The following ANKIB1 variants were observed in gnomAD, a reference collection of about 807,000 sequenced individuals.
The protein encoded by ANKIB1 is ankyrin repeat and IBR domain containing 1.
ANKIB1 carries 43 observed loss-of-function variants against 122.1 expected under a neutral mutation model. The observed-to-expected ratio is 0.35, with a 90% confidence interval of 0.28 to 0.45. The LOEUF is 0.45. Among genes scored for constraint, ANKIB1 ranks in the 20% least tolerant of loss-of-function variants. The probability of loss-of-function intolerance (pLI) is 1.00; values close to 1 mark genes in which losing one functional copy is unlikely to be tolerated. For synonymous variants in ANKIB1, 390 were observed against 442.0 expected, an observed-to-expected ratio of 0.88 and a Z score of 1.48; for missense variants, 992 against 1,329.5, an observed-to-expected ratio of 0.75 and a Z score of 3.95.
Position 92,271,156 on chromosome 7 carries a change from T to C in ANKIB1, c.-90-23733T>C, listed in dbSNP as rs181953992. ...GTATAAGTTGTCCTTGTATCTTAGG[T>C]GACGGCACTTTTTTTTTCCCCATGT... is the stretch of plus-strand genomic sequence containing the variant. On this transcript the variant is annotated intron_variant, in intron 1 of 19. Transcript: ENST00000265742. 5.3e-4 allele frequency among the ~76,000 whole-genome samples: 80 copies of C among 152,276 alleles called. No homozygotes were observed. The East Asian group carries it at 8.3e-3, about 16-fold the overall frequency.
intron 1 of ANKIB1, among the ~76,000 whole-genome samples, chr7:92,282,224 G>A (rs979301948): frequency 6.6e-6 from 1 of 151,968 alleles, no homozygotes; most frequent in Admixed American, 6.6e-5. Context: ...CGCCATCTCG[G>A]TGCACCACAC....
intron 1 of ANKIB1, among the ~76,000 whole-genome samples, chr7:92,287,528 AC>A (rs747557877): frequency 1.2e-4 from 18 of 152,168 alleles, no homozygotes; most frequent in Non-Finnish European, 2.4e-4. Context: ...TCAGTAGGTT[AC>A]AGGTGGTGTT....
At chr7:92,309,962 T>TATATATATAAAAAA (rs1030276754) in intron 3 of ANKIB1, among the ~76,000 whole-genome samples, 2 of 139,430 alleles carry the variant, frequency 1.4e-5, no homozygotes, top group Admixed American at 7.2e-5. Flanking sequence ...TATATATATA[T>TATATATATAAAAAA]AAATTAAATG....
In ANKIB1 at chr7:92,396,406, T is replaced by C. The variant is rs1430167857; in HGVS notation, c.2325T>C (p.Arg775=). The change falls in exon 18 of 20, where the codon CGT becomes CGC. Residue 775 remains arginine (R), a synonymous_variant. Transcript: ENST00000265742. ...EFQYRRRHRQ[R]RRGDVHSLLS... ...AGTATCGGAGGAGGCACAGACAACG[T>C]CGTCGAGGAGATGTTCACAGTCTAC... 1.3e-6 allele frequency: 2 copies of C among 1,598,388 alleles called. No individual in the cohort carries two copies. Among genetic ancestry groups the C allele is most frequent in the African/African-American group, 1.3e-5 (1 of 74,778 alleles).
intron 3 of ANKIB1, among the ~76,000 whole-genome samples, chr7:92,314,298 C>CA (rs932606674): frequency 2.3e-3 from 276 of 121,144 alleles, no homozygotes; most frequent in African/African-American, 5.0e-3. Context: ...ATGCTGTCTC[C>CA]AAAAAAAAAA....
chr7:92,389,419 A>T (rs78520556), intron 14 of ANKIB1, among the ~76,000 whole-genome samples: 1 of 152,040 alleles, frequency 6.6e-6, no homozygotes, highest in Non-Finnish European at 1.5e-5. Flanking sequence ...TATTAAGGCA[A>T]TTTAGTCTTC....
intron 9 of ANKIB1, among the ~76,000 whole-genome samples, chr7:92,359,816 A>G (rs1803902613): frequency 6.6e-6 from 1 of 152,202 alleles, no homozygotes; most frequent in Non-Finnish European, 1.5e-5. Flanking sequence ...GGCTATTCAC[A>G]GAGTGGTAAT....
rs774593375 is a variant in ANKIB1, at chr7:92,246,458, C to T, written c.-152C>T. On this transcript the variant is annotated 5_prime_UTR_variant, in exon 1 of 20. Coordinates refer to ENST00000265742, the MANE Select transcript of ANKIB1 (RefSeq NM_019004.2). ...AGCTCGGCTGTAGAGGCAGGGGCGG[C>T]GGAGGCGGAACTGCGGAGTTGCTGG... is the stretch of plus-strand genomic sequence containing the variant. The T allele has an allele frequency of 4.6e-5, 24 of 517,556 alleles. No homozygotes were observed. Among genetic ancestry groups the T allele is most frequent in the Non-Finnish European group, 7.7e-5 (20 of 259,670 alleles). The allele number at this position is 517,556 out of a possible 1,614,324, so 32.1% of individuals were successfully genotyped here. A position where few individuals can be genotyped will look rare whatever the true frequency, so the allele number is the denominator to read the frequency against.
chr7:92,398,730 G>C lies in ANKIB1; in HGVS notation c.3051G>C (p.Val1017=). 6.2e-7 allele frequency: 1 copy of C among 1,613,478 alleles called. No homozygotes were observed. Among genetic ancestry groups the C allele is most frequent in the Non-Finnish European group, 8.5e-7 (1 of 1,179,622 alleles). The change falls in exon 20 of 20, where the codon GTG becomes GTC. Residue 1017 remains valine, a synonymous_variant. Coordinates refer to ENST00000265742, the MANE Select transcript of ANKIB1 (RefSeq NM_019004.2). ...GSEGVKDVEL[V]LPEDSMFEDA... ...AAGGTGTGAAGGATGTGGAACTGGT[G>C]CTGCCAGAAGATTCAATGTTTGAAG... is the stretch of plus-strand genomic sequence containing the variant.
At position 92,255,262 on chromosome 7, in the gene ANKIB1, C is replaced by T. The variant is rs371627641; in HGVS notation, c.-91+8743C>T. ...CTCTCTCCTCTCTAGGTTAAACAAA[C>T]TTTTTCCTAAACTTTCTTCTGACTT... On this transcript the variant is annotated intron_variant, in intron 1 of 19. Transcript: ENST00000265742. 5.3e-5 allele frequency among the ~76,000 whole-genome samples: 8 copies of T among 152,318 alleles called. No individual in the cohort carries two copies. In the East Asian group the frequency reaches 1.3e-3, roughly 26 times the overall value.
intron 9 of ANKIB1, among the ~76,000 whole-genome samples, chr7:92,353,641 T>A (rs1562790514): frequency 6.6e-6 from 1 of 152,214 alleles, no homozygotes; most frequent in Non-Finnish European, 1.5e-5. Flanking sequence ...CTGGTCTACT[T>A]CTTACCTTCG....
At position 92,246,322 on chromosome 7, in the gene ANKIB1, G is replaced by C; in HGVS notation, c.-288G>C. 1 of 410,558 alleles carries C rather than the reference G, an allele frequency of 2.4e-6. No individual in the cohort carries two copies. Among genetic ancestry groups the C allele is most frequent in the South Asian group, 1.7e-5 (1 of 58,782 alleles). The allele number at this position is 410,558 out of a possible 1,614,324, so 25.4% of individuals were successfully genotyped here. A position where few individuals can be genotyped will look rare whatever the true frequency, so the allele number is the denominator to read the frequency against. ...GCTCACGCAGCGCTTCCCGCGGGCCGCCAGTGCGCACCCTCGGCCACATCA... is the reference window on the plus strand; with the variant it reads ...GCTCACGCAGCGCTTCCCGCGGGCCCCCAGTGCGCACCCTCGGCCACATCA... On this transcript the variant is annotated 5_prime_UTR_variant, in exon 1 of 20. Transcript: ENST00000265742.
intron 18 of ANKIB1, among the ~76,000 whole-genome samples, chr7:92,397,477 C>T (rs2115729603): frequency 6.7e-6 from 1 of 150,016 alleles, no homozygotes; most frequent in South Asian, 2.1e-4. Flanking sequence ...CAAAGCAAGA[C>T]TCCATCTCAA....
chr7:92,338,242 T>A (rs1803333071), intron 5 of ANKIB1, among the ~76,000 whole-genome samples: 1 of 150,390 alleles, frequency 6.6e-6, no homozygotes, highest in South Asian at 2.1e-4. Context: ...AGACCTTGTC[T>A]CTACAAAAAA....
intron 12 of ANKIB1, among the ~76,000 whole-genome samples, chr7:92,387,057 G>C (rs1804669232): frequency 6.6e-6 from 1 of 151,488 alleles, no homozygotes; most frequent in Admixed American, 6.6e-5. Flanking sequence ...TCAAGGTGCT[G>C]GCCAATTTGG....
chr7:92,366,370 G>A (rs977701887), intron 10 of ANKIB1, among the ~76,000 whole-genome samples: 2 of 151,996 alleles, frequency 1.3e-5, no homozygotes, highest in African/African-American at 4.8e-5. Flanking sequence ...CTACTATCCT[G>A]TGGCATCAAA....
chr7:92,283,797 G>GTCTC (rs1802057421), intron 1 of ANKIB1, among the ~76,000 whole-genome samples: 1 of 152,090 alleles, frequency 6.6e-6, no homozygotes, highest in South Asian at 2.1e-4. Flanking sequence ...TTGAGACTGG[G>GTCTC]TCTCGCTCTG....
intron 1 of ANKIB1, among the ~76,000 whole-genome samples, chr7:92,260,707 G>A (rs1436448891): frequency 2.0e-5 from 3 of 151,678 alleles, no homozygotes; most frequent in African/African-American, 4.8e-5. Flanking sequence ...AGTCATTTTG[G>A]TAAGGCTTTT....
intron 2 of ANKIB1, among the ~76,000 whole-genome samples, chr7:92,300,625 T>TA (rs1802439958): frequency 1.3e-5 from 2 of 151,838 alleles, no homozygotes; most frequent in Admixed American, 6.6e-5. Flanking sequence ...GATGTTTTAA[T>TA]ATATATATAT....
Sources: allele counts gnomAD v4.1 joint callset (sites outside exome capture counted in the v4.1 genomes callset), GRCh38; gene constraint gnomAD v4.1.1; transcripts MANE v1.5; gene names NCBI Gene and HGNC (gene_info 2026-07-23, HGNC 2026-07-21).